The following DYNC2H1 variants were observed in gnomAD, a reference collection of about 807,000 sequenced individuals.
The protein encoded by DYNC2H1 is cytoplasmic dynein 2 heavy chain 1.
DYNC2H1 carries 410 observed loss-of-function variants against 570.0 expected under a neutral mutation model. The ratio of observed to expected loss-of-function variants is 0.72; its 90% CI spans 0.66 to 0.78. DYNC2H1 has a LOEUF of 0.78. Ranked by LOEUF, DYNC2H1 falls within the 30% of genes least tolerant of loss-of-function variation. DYNC2H1 has a pLI of 0.00. For missense variants in DYNC2H1, 4,865 were observed against 5,046.4 expected, an observed-to-expected ratio of 0.96 and a Z score of 1.09; for synonymous variants, 1,688 against 1,677.6, an observed-to-expected ratio of 1.01 and a Z score of -0.15.
intron 88 of DYNC2H1, among the ~76,000 whole-genome samples, chr11:103,477,569 C>T (rs770907886): frequency 2.6e-5 from 4 of 152,214 alleles, no homozygotes; most frequent in East Asian, 1.9e-4. Context: ...CAGTGGCTCA[C>T]GCCTGTAATC....
intron 39 of DYNC2H1, among the ~76,000 whole-genome samples, chr11:103,180,423 C>G (rs1454207976): frequency 6.6e-6 from 1 of 151,492 alleles, no homozygotes; most frequent in African/African-American, 2.4e-5. Context: ...AAGTAGAATA[C>G]TATTAATATT....
At chr11:103,430,326 G>C (rs756832143) in intron 84 of DYNC2H1, among the ~76,000 whole-genome samples, 1 of 151,956 alleles carries the variant, frequency 6.6e-6, no homozygotes, top group East Asian at 1.9e-4. Context: ...CACTTCCGAG[G>C]GTTGTCGTAA....
chr11:103,259,266 A>T (rs1409740948), intron 69 of DYNC2H1, among the ~76,000 whole-genome samples: 2 of 152,174 alleles, frequency 1.3e-5, no homozygotes, highest in Non-Finnish European at 2.9e-5. Context: ...ACAGGTTGAC[A>T]ACCTACCCTT....
intron 34 of DYNC2H1, among the ~76,000 whole-genome samples, chr11:103,172,327 A>G (rs1395161588): frequency 6.6e-6 from 1 of 152,014 alleles, no homozygotes; most frequent in African/African-American, 2.4e-5. Context: ...CTGGGACCTT[A>G]TTATCCCTTG....
chr11:103,292,819 G>A (rs918850121), intron 75 of DYNC2H1, among the ~76,000 whole-genome samples: 1 of 152,244 alleles, frequency 6.6e-6, no homozygotes, highest in African/African-American at 2.4e-5. Context: ...ATCAGTAACA[G>A]CTCTCTTGAG....
chr11:103,408,411 A>G (rs1319569234), intron 84 of DYNC2H1: 2 of 152,036 alleles, frequency 1.3e-5, no homozygotes, highest in Admixed American at 6.6e-5. Context: ...TCTGATTTAT[A>G]AAGTTTTATG....
At chr11:103,366,913 A>G (rs1347364379) in intron 83 of DYNC2H1, among the ~76,000 whole-genome samples, 4 of 152,184 alleles carry the variant, frequency 2.6e-5, no homozygotes, top group Admixed American at 2.6e-4. Flanking sequence ...GAAGAGTGGC[A>G]TAATTTTTCT....
chr11:103,428,129 T>A (rs1224251802), intron 84 of DYNC2H1, among the ~76,000 whole-genome samples: 5 of 151,304 alleles, frequency 3.3e-5, no homozygotes, highest in African/African-American at 1.2e-4. Context: ...TGAATGGAAC[T>A]CTGGGACAAC....
At chr11:103,462,585 C>T (rs1945054241) in intron 87 of DYNC2H1, among the ~76,000 whole-genome samples, 1 of 152,078 alleles carries the variant, frequency 6.6e-6, no homozygotes, top group Admixed American at 6.6e-5. Flanking sequence ...TGCAAAGAGG[C>T]TTCAATTAGG....
At chr11:103,456,436 G>T in intron 87 of DYNC2H1, 80 bp downstream of exon 87, 2 of 1,144,840 alleles carry the variant, frequency 1.7e-6, no homozygotes, top group South Asian at 1.4e-5. Context: ...TGATCTCAAA[G>T]TGACCTATCT....
At position 103,133,536 on chromosome 11, in the gene DYNC2H1, G is replaced by T. The variant is rs759137160; in HGVS notation, c.1954-19G>T. On this transcript the variant is annotated intron_variant, in intron 13 of 88. Transcript: ENST00000375735. The surrounding 1 kb of genome is among the most constrained non-coding windows in gnomAD (Gnocchi z 4.8). ...AAAGAAATACTTATACATACTAAAGGTTATTTATTGTACCATAGAATTCAA... is the reference window on the plus strand; with the variant it reads ...AAAGAAATACTTATACATACTAAAGTTTATTTATTGTACCATAGAATTCAA... 22 of 1,588,066 alleles carry T rather than the reference G, an allele frequency of 1.4e-5. No homozygotes were observed. The highest frequency in any genetic ancestry group is 1.7e-4 in the Middle Eastern group (1 of 6,022).
chr11:103,403,432 AGAG>A (rs1460635370), intron 84 of DYNC2H1: 1 of 152,090 alleles, frequency 6.6e-6, no homozygotes, highest in African/African-American at 2.4e-5. Context: ...TTCACTGCAG[AGAG>A]GTGTAGACCC....
chr11:103,156,464 C>T lies in DYNC2H1; in HGVS notation c.3821C>T (p.Ala1274Val). ...LRELDLWGVG[A>V]VFTLIDYEDS... ...GAACTTGATCTTTGGGGAGTTGGAG[C>T]AGTGTTTACATTAATTGATTATGAA... Residue 1274 changes from alanine to valine, a missense_variant, in exon 26 of 89, where the codon GCA becomes GTA. Transcript: ENST00000375735. 6.2e-7 allele frequency: 1 copy of T among 1,613,586 alleles called. No homozygotes were observed. The highest frequency in any genetic ancestry group is 1.6e-4 in the Middle Eastern group (1 of 6,062).
In DYNC2H1 at chr11:103,165,969, T is replaced by A. The variant is rs1206439717; in HGVS notation, c.4683T>A (p.His1561Gln). ...VENAIKDHSL[H>Q]QIETQLVNKL... ...ATGCTATTAAAGATCATAGTCTTCA[T>A]CAGATTGAAACACAACTGGTGAATA... The change falls in exon 31 of 89, where the codon CAT (histidine) becomes CAA (glutamine). Residue 1561 changes from histidine to glutamine, a missense_variant. His to Gln is a conservative substitution (Grantham distance 24). Coordinates refer to ENST00000375735, the MANE Select transcript of DYNC2H1 (RefSeq NM_001377.3). The A allele has an allele frequency of 2.6e-6, 4 of 1,526,618 alleles. No homozygotes were observed. Among genetic ancestry groups the A allele is most frequent in the Non-Finnish European group, 3.5e-6 (4 of 1,135,738 alleles). The allele number at this position is 1,526,618 out of a possible 1,614,324, so 94.6% of individuals were successfully genotyped here.
chr11:103,216,190 T>C (rs1218821342), intron 55 of DYNC2H1, among the ~76,000 whole-genome samples: 1 of 152,234 alleles, frequency 6.6e-6, no homozygotes, highest in Non-Finnish European at 1.5e-5. Flanking sequence ...CTTAGAATTC[T>C]CTCCTTCAGG....
intron 75 of DYNC2H1, among the ~76,000 whole-genome samples, chr11:103,288,692 A>AAAAAAAG (rs1220750131): frequency 3.5e-4 from 50 of 144,276 alleles, no homozygotes; most frequent in Non-Finnish European, 6.3e-4. Context: ...ACTAAAAAAA[A>AAAAAAAG]AAAAAAAAAA....
intron 83 of DYNC2H1, among the ~76,000 whole-genome samples, chr11:103,375,761 C>CTTTTGGTT (rs1301012735): frequency 2.0e-5 from 3 of 152,068 alleles, no homozygotes; most frequent in African/African-American, 7.2e-5. Context: ...AACTAACTTG[C>CTTTTGGTT]TTTTGGTTTT....
At chr11:103,338,167 AG>A (rs1939249897) in intron 82 of DYNC2H1, among the ~76,000 whole-genome samples, 1 of 151,882 alleles carries the variant, frequency 6.6e-6, no homozygotes. Flanking sequence ...CACTTATTGA[AG>A]CTGAGTTGGT....
chr11:103,117,833 A>G lies in DYNC2H1; in HGVS notation c.969A>G (p.Thr323=), dbSNP rs775579276. The change falls in exon 6 of 89, where the codon ACA becomes ACG. Residue 323 remains threonine, a synonymous_variant. Transcript: ENST00000375735. The part of the protein sequence containing the change: ...PWKNEKYFPE[T]LDKLGKRLEE... ...AAAATGAAAAATATTTTCCAGAAAC[A>G]CTTGACAAACTTGGCAAACGCCTTG... 2 of 1,612,472 alleles carry G rather than the reference A, an allele frequency of 1.2e-6. No homozygotes were observed. The highest frequency in any genetic ancestry group is 1.7e-6 in the Non-Finnish European group (2 of 1,179,024).
Sources: gnomAD v4.1 joint callset for allele counts (sites outside exome capture counted in the v4.1 genomes callset) on GRCh38, gnomAD v4.1.1 for gene constraint, Gnocchi (gnomAD v3.1) non-coding constraint, MANE v1.5 for transcripts, NCBI Gene and HGNC (gene_info 2026-07-23, HGNC 2026-07-21) for gene names.